The following RNF217 variants were observed in gnomAD, a reference collection of about 807,000 sequenced individuals.
RNF217 encodes E3 ubiquitin-protein ligase RNF217.
A neutral mutation model predicts 57.8 loss-of-function variants in RNF217; 31 were observed. The ratio of observed to expected loss-of-function variants is 0.54; its 90% CI spans 0.40 to 0.72. The LOEUF is 0.72. Ranked by LOEUF, RNF217 falls within the 30% of genes least tolerant of loss-of-function variation. The pLI is 0.00. For synonymous variants in RNF217, 313 were observed against 294.0 expected (o/e 1.06, Z -0.66); for missense variants, 696 against 708.3 (o/e 0.98, Z 0.20).
At chr6:125,071,199 G>A (rs528753606) in intron 3 of RNF217, among the ~76,000 whole-genome samples, 1 of 152,166 alleles carries the variant, frequency 6.6e-6, no homozygotes, top group East Asian at 1.9e-4. Context: ...CTTTTCTTAC[G>A]ATTTTTCAAC....
In RNF217 at chr6:124,963,165, C is replaced by T. The variant is rs997137187; in HGVS notation, c.621C>T (p.Pro207=). The part of the protein sequence containing the change: ...PPSTRSSFPS[P]RLSLPTDSLS... ...GCACCCGCTCTTCCTTCCCCAGCCC[C>T]CGACTGTCCCTCCCAACGGATTCCC... Residue 207 remains proline (P), a synonymous_variant, in exon 1 of 6, where the codon CCC becomes CCT. Transcript: ENST00000521654. 1 of 1,535,654 alleles carries T rather than the reference C, an allele frequency of 6.5e-7. No individual in the cohort carries two copies.
chr6:125,037,372 G>A (rs992826194), intron 1 of RNF217, among the ~76,000 whole-genome samples: 1 of 152,146 alleles, frequency 6.6e-6, no homozygotes, highest in African/African-American at 2.4e-5. Context: ...TTCTACTTGG[G>A]AATATGCCTT....
intron 1 of RNF217, among the ~76,000 whole-genome samples, chr6:125,023,379 C>T (rs1490650458): frequency 2.6e-5 from 4 of 152,118 alleles, no homozygotes; most frequent in Non-Finnish European, 5.9e-5. Flanking sequence ...AACACAAGGG[C>T]ATTATTGAAG....
chr6:124,967,391 A>T (rs1248882100), intron 1 of RNF217, among the ~76,000 whole-genome samples: 1 of 152,102 alleles, frequency 6.6e-6, no homozygotes, highest in African/African-American at 2.4e-5. Flanking sequence ...TTTTTCTTTT[A>T]TGATTTGGTT....
At chr6:125,073,174 A>G (rs1788215947) in intron 3 of RNF217, among the ~76,000 whole-genome samples, 1 of 152,208 alleles carries the variant, frequency 6.6e-6, no homozygotes, top group Admixed American at 6.5e-5. Flanking sequence ...GTTGTCTTCA[A>G]ATATGTCCTA....
intron 1 of RNF217, among the ~76,000 whole-genome samples, chr6:125,000,649 GAAAT>G (rs1473416553): frequency 6.6e-6 from 1 of 151,914 alleles, no homozygotes; most frequent in East Asian, 1.9e-4. Context: ...GCATATTAGA[GAAAT>G]AGAGACCCTA....
chr6:125,064,504 C>G (rs544279666), intron 3 of RNF217, among the ~76,000 whole-genome samples: 2 of 151,878 alleles, frequency 1.3e-5, no homozygotes, highest in African/African-American at 4.8e-5. Flanking sequence ...AATATGTTGT[C>G]TTAGTTATAA....
intron 1 of RNF217, among the ~76,000 whole-genome samples, chr6:124,966,525 T>C (rs973458166): frequency 3.9e-5 from 6 of 152,236 alleles, no homozygotes; most frequent in African/African-American, 1.4e-4. Context: ...AAAAAAATGA[T>C]GTATTGAGAT....
intron 1 of RNF217, among the ~76,000 whole-genome samples, chr6:124,982,483 T>G (rs1351135203): frequency 6.6e-6 from 1 of 152,160 alleles, no homozygotes; most frequent in Non-Finnish European, 1.5e-5. Flanking sequence ...ATGTGGTCAT[T>G]GGTACCTCAC....
At chr6:124,987,538 C>CA (rs1283434115) in intron 1 of RNF217, among the ~76,000 whole-genome samples, 1 of 152,058 alleles carries the variant, frequency 6.6e-6, no homozygotes, top group Non-Finnish European at 1.5e-5. Flanking sequence ...TTTCAAGGTC[C>CA]AAAAAATGCT....
chr6:125,021,289 C>T (rs111232976), intron 1 of RNF217, among the ~76,000 whole-genome samples: 35 of 139,164 alleles, frequency 2.5e-4, no homozygotes, highest in African/African-American at 7.5e-4. Flanking sequence ...TTTTTTGAGA[C>T]GGAGTCTTGG....
chr6:125,033,362 A>T (rs1786448221), intron 1 of RNF217, among the ~76,000 whole-genome samples: 1 of 114,980 alleles, frequency 8.7e-6, no homozygotes, highest in African/African-American at 3.4e-5. Flanking sequence ...ACCCCACAAC[A>T]GTCCCCAGAG....
chr6:125,054,754 A>G (rs932882260), intron 2 of RNF217, among the ~76,000 whole-genome samples: 3 of 152,170 alleles, frequency 2.0e-5, no homozygotes, highest in African/African-American at 4.8e-5. Flanking sequence ...TTTAGGATGC[A>G]TACAAATCAC....
At chr6:124,978,800 T>C (rs796560072) in intron 1 of RNF217, among the ~76,000 whole-genome samples, 1 of 152,246 alleles carries the variant, frequency 6.6e-6, no homozygotes, top group African/African-American at 2.4e-5. Flanking sequence ...CCAAGAGGAA[T>C]AAGGTACGTG....
Position 125,077,981 on chromosome 6 carries a change from T to C in RNF217, c.1483+1123T>C, listed in dbSNP as rs566386382. Among the ~76,000 whole-genome samples, 22 of 152,306 alleles carry C rather than the reference T, an allele frequency of 1.4e-4. No individual in the cohort carries two copies. In the South Asian group the frequency reaches 1.9e-3, roughly 13 times the overall value. On this transcript the variant is annotated intron_variant, in intron 4 of 5. Coordinates refer to ENST00000521654, the MANE Select transcript of RNF217 (RefSeq NM_001286398.3). ...AGAACATGTATACGCAAATGCACTT[T>C]CACATATGGAAACCAATGCCGTCAT...
rs763012202 is a variant in RNF217, at chr6:124,963,248, C to G, written c.704C>G (p.Ser235Cys). ...LEFYLAPEPF[S>C]MPSLLGAPPY... ...TTCTACCTGGCGCCCGAGCCGTTCT[C>G]CATGCCCAGCCTGTTGGGAGCTCCA... The change falls in exon 1 of 6, where the codon TCC becomes TGC. Residue 235 changes from serine to cysteine, a missense_variant. Ser to Cys is a moderately radical substitution (Grantham distance 112). Around this residue, in one of 2 missense-constraint regions of RNF217, gnomAD observed 465 missense variants for 386.8 expected, o/e 1.20. Coordinates refer to ENST00000521654, the MANE Select transcript of RNF217 (RefSeq NM_001286398.3). 3 of 1,535,966 alleles carry G rather than the reference C, an allele frequency of 2.0e-6. No homozygotes were observed. The highest frequency in any genetic ancestry group is 1.2e-5 in the South Asian group (1 of 84,048).
chr6:125,006,680 G>T (rs530124085), intron 1 of RNF217, among the ~76,000 whole-genome samples: 11 of 152,320 alleles, frequency 7.2e-5, no homozygotes, highest in Non-Finnish European at 1.6e-4. Flanking sequence ...TGGGTGTGGT[G>T]GCTCATGCCT....
intron 1 of RNF217, among the ~76,000 whole-genome samples, chr6:124,974,498 C>G (rs796319409): frequency 4.6e-5 from 7 of 152,168 alleles, no homozygotes; most frequent in African/African-American, 1.7e-4. Flanking sequence ...TTAGGTAGTT[C>G]CACTGTAATT....
At chr6:125,063,231 A>C (rs139716209) in intron 3 of RNF217, among the ~76,000 whole-genome samples, 103 of 152,344 alleles carry the variant, frequency 6.8e-4, no homozygotes, top group Admixed American at 1.8e-3. Context: ...TAAGTCAAAA[A>C]TTAAAAGTGA....
Sources: allele counts gnomAD v4.1 joint callset (sites outside exome capture counted in the v4.1 genomes callset), GRCh38; gene constraint gnomAD v4.1.1; regional missense constraint gnomAD v4.1.1; transcripts MANE v1.5; gene names NCBI Gene and HGNC (gene_info 2026-07-23, HGNC 2026-07-21).